Variants in ROCK1 observed in about 807,000 individuals in gnomAD.
The protein encoded by ROCK1 is rho-associated protein kinase 1.
A neutral mutation model predicts 196.8 loss-of-function variants in ROCK1; 36 were observed. The ratio of observed to expected loss-of-function variants is 0.18; its 90% CI spans 0.14 to 0.24. The LOEUF is 0.24. ROCK1 is among the 10% of genes least tolerant of loss of function. The pLI is 1.00. For synonymous variants in ROCK1, 443 were observed against 515.9 expected, an observed-to-expected ratio of 0.86 and a Z score of 1.91; for missense variants, 920 against 1,562.0, an observed-to-expected ratio of 0.59 and a Z score of 6.93.
intron 3 of ROCK1, 150 bp downstream of exon 3, chr18:21,049,630 T>G: frequency 1.7e-6 from 1 of 583,428 alleles, no homozygotes; most frequent in South Asian, 2.3e-5. Flanking sequence ...GATTTGACAC[T>G]AGGCTTCCAT....
At chr18:20,992,370 AT>A (rs2035634072) in intron 17 of ROCK1, among the ~76,000 whole-genome samples, 1 of 152,188 alleles carries the variant, frequency 6.6e-6, no homozygotes, top group African/African-American at 2.4e-5. Flanking sequence ...AACCAATGAA[AT>A]TTTTATTGTT....
chr18:21,011,883 A>G (rs967881235), intron 13 of ROCK1, among the ~76,000 whole-genome samples: 1 of 152,220 alleles, frequency 6.6e-6, no homozygotes. Flanking sequence ...TAAAAAATAA[A>G]GAGGAGAAAA....
chr18:21,107,747 T>C (rs1374874233), intron 1 of ROCK1, among the ~76,000 whole-genome samples: 1 of 152,146 alleles, frequency 6.6e-6, no homozygotes, highest in Non-Finnish European at 1.5e-5. Context: ...AAGGATTTTT[T>C]GTCTCTAAAG....
chr18:21,039,643 A>T, intron 8 of ROCK1, 80 bp from the exon 9 acceptor site: 1 of 971,462 alleles, frequency 1.0e-6, no homozygotes, highest in Admixed American at 1.8e-5. Context: ...TGTGGGCAGG[A>T]TATTAAATCA....
In ROCK1 at chr18:21,061,807, T is replaced by C. The variant is rs1451811912; in HGVS notation, c.175+8725A>G. On this transcript the variant is annotated intron_variant, in intron 2 of 32. Coordinates refer to ENST00000399799, the MANE Select transcript of ROCK1 (RefSeq NM_005406.3). ...AAGGAACTGTACAAAGATATTGTGTTCCAGTTGGTAAATCCATTTCTCACA... is the reference window on the plus strand; with the variant it reads ...AAGGAACTGTACAAAGATATTGTGTCCCAGTTGGTAAATCCATTTCTCACA... Among the ~76,000 whole-genome samples, 7 of 152,206 alleles carry C rather than the reference T, an allele frequency of 4.6e-5. No homozygotes were observed. In the East Asian group the frequency reaches 1.3e-3, roughly 29 times the overall value.
At chr18:21,041,545 T>C (rs1175428387) in intron 8 of ROCK1, among the ~76,000 whole-genome samples, 1 of 152,040 alleles carries the variant, frequency 6.6e-6, no homozygotes, top group African/African-American at 2.4e-5. Context: ...ATTATTAAAA[T>C]GCTTGTTGGA....
At position 21,044,195 on chromosome 18, in the gene ROCK1, G is replaced by C. The variant is rs199956369; in HGVS notation, c.591-9C>G. 9.1e-5 allele frequency: 145 copies of C among 1,598,418 alleles called. No individual in the cohort carries two copies. The East Asian group carries it at 1.9e-3, about 20-fold the overall frequency. On this transcript the variant is annotated splice_polypyrimidine_tract_variant and intron_variant, in intron 5 of 32. Transcript: ENST00000399799. Reference sequence around the variant, plus strand: ...TATCAGGCTTCACATCTCTGCAGGAGGGAAAAAATAGTACAGTATTTTCTG... The same window carrying C: ...TATCAGGCTTCACATCTCTGCAGGACGGAAAAAATAGTACAGTATTTTCTG...
Position 20,961,676 on chromosome 18 carries a change from T to C in ROCK1, c.3353-1470A>G, listed in dbSNP as rs183407222. Among the ~76,000 whole-genome samples, 105 of 152,222 alleles carry C rather than the reference T, an allele frequency of 6.9e-4. No homozygotes were observed. In the East Asian group the frequency reaches 0.01, roughly 15 times the overall value. On this transcript the variant is annotated intron_variant, in intron 27 of 32. Transcript: ENST00000399799. ...GACTGAATTGTGGGAAATATTTTTT[T>C]CCCCTACTCCCACCAGGTACGTAAT...
chr18:20,961,350 T>C (rs570330755), intron 27 of ROCK1, among the ~76,000 whole-genome samples: 2 of 152,162 alleles, frequency 1.3e-5, no homozygotes, highest in East Asian at 3.9e-4. Context: ...ATAGGTAACA[T>C]TTACTGATTT....
Position 21,006,783 on chromosome 18 carries a change from T to C in ROCK1, c.1554A>G (p.Thr518=), listed in dbSNP as rs757775766. The change falls in exon 15 of 33, where the codon ACA becomes ACG. Residue 518 remains threonine (T), a synonymous_variant. Transcript: ENST00000399799. Reference sequence around the variant, plus strand: ...TTAAGTCTTCCAACTGATCCTTTAATGTAGAAACTAGAAAATGAAAGAATA... The same window carrying C: ...TTAAGTCTTCCAACTGATCCTTTAACGTAGAAACTAGAAAATGAAAGAATA... The part of the protein sequence containing the change: ...KRRNVENEVS[T]LKDQLEDLKK... 6.4e-7 allele frequency: 1 copy of C among 1,567,640 alleles called. No individual in the cohort carries two copies. Among genetic ancestry groups the C allele is most frequent in the Admixed American group, 1.9e-5 (1 of 52,330 alleles).
chr18:20,965,874 T>G (rs555194022), intron 27 of ROCK1, among the ~76,000 whole-genome samples: 1 of 152,148 alleles, frequency 6.6e-6, no homozygotes, highest in Non-Finnish European at 1.5e-5. Flanking sequence ...AGGGATCACA[T>G]AGCATACAGA....
intron 2 of ROCK1, among the ~76,000 whole-genome samples, chr18:21,061,181 T>A (rs2036287073): frequency 6.6e-6 from 1 of 151,742 alleles, no homozygotes; most frequent in South Asian, 2.1e-4. Context: ...CAGGTTTAAT[T>A]GATTCTCCTG....
intron 17 of ROCK1, among the ~76,000 whole-genome samples, chr18:20,992,021 A>G (rs992504509): frequency 3.9e-5 from 6 of 152,240 alleles, no homozygotes; most frequent in Non-Finnish European, 7.3e-5. Context: ...TCACAAAAAA[A>G]CAAAAACAAA....
chr18:20,992,729 T>C (rs532142382), intron 17 of ROCK1, 102 bp downstream of exon 17: 2 of 677,386 alleles, frequency 3.0e-6, no homozygotes, highest in East Asian at 2.8e-5. Context: ...AATGTAACTA[T>C]ATAAACATTA....
intron 4 of ROCK1, among the ~76,000 whole-genome samples, chr18:21,046,127 G>A (rs2036156100): frequency 1.3e-5 from 2 of 151,894 alleles, no homozygotes; most frequent in Admixed American, 6.6e-5. Context: ...AGCCAGGATG[G>A]TCTCGATCTC....
chr18:20,952,194 C>G (rs2035195239), intron 32 of ROCK1, among the ~76,000 whole-genome samples: 1 of 151,922 alleles, frequency 6.6e-6, no homozygotes, highest in Non-Finnish European at 1.5e-5. Flanking sequence ...ACCAGCCTGG[C>G]CAACATGTTA....
At chr18:21,096,673 G>A (rs963170506) in intron 1 of ROCK1, among the ~76,000 whole-genome samples, 5 of 152,086 alleles carry the variant, frequency 3.3e-5, no homozygotes, top group Admixed American at 2.0e-4. Flanking sequence ...AGCCCACAAG[G>A]AATTCTCATT....
chr18:20,953,176 G>C (rs1171177539), intron 32 of ROCK1: 1 of 184,600 alleles, frequency 5.4e-6, no homozygotes, highest in African/African-American at 2.4e-5. Flanking sequence ...TGTTGGGATA[G>C]TATGGGAAGT....
At chr18:21,100,841 T>C (rs1190276140) in intron 1 of ROCK1, among the ~76,000 whole-genome samples, 2 of 152,166 alleles carry the variant, frequency 1.3e-5, no homozygotes, top group South Asian at 2.1e-4. Flanking sequence ...ACCTCTTCCA[T>C]AGAGCTACCC....
Sources: gnomAD v4.1 joint callset for allele counts (sites outside exome capture counted in the v4.1 genomes callset) on GRCh38, gnomAD v4.1.1 for gene constraint, MANE v1.5 for transcripts, NCBI Gene and HGNC (gene_info 2026-07-23, HGNC 2026-07-21) for gene names.